The following ZNF618 variants were observed in gnomAD, a reference collection of about 807,000 sequenced individuals.
The protein encoded by ZNF618 is zinc finger protein 618.
A neutral mutation model predicts 103.0 loss-of-function variants in ZNF618; 34 were observed. The observed-to-expected ratio is 0.33, with a 90% CI of 0.25 to 0.44. The LOEUF (loss-of-function observed/expected upper bound fraction) is 0.44, where lower values mean the gene tolerates loss of function less well. ZNF618 is among the 20% of genes least tolerant of loss of function. The pLI is 1.00. For synonymous variants in ZNF618, 551 were observed against 542.2 expected, an observed-to-expected ratio of 1.02 and a Z score of -0.23; for missense variants, 1,059 against 1,295.4, an observed-to-expected ratio of 0.82 and a Z score of 2.80.
At chr9:114,007,517 G>GCCTCCCT in intron 7 of ZNF618, 78 bp downstream of exon 7, 1 of 1,379,236 alleles carries the variant, frequency 7.3e-7, no homozygotes, top group African/African-American at 1.4e-5. Context: ...AGCCCTCCCC[G>GCCTCCCT]CCTCCCTCCT....
intron 1 of ZNF618, among the ~76,000 whole-genome samples, chr9:113,946,314 G>A (rs1835023663): frequency 6.6e-6 from 1 of 151,262 alleles, no homozygotes; most frequent in African/African-American, 2.4e-5. Context: ...GCGGTGGCTT[G>A]CCTAGCCCAA....
chr9:113,923,411 T>C (rs1210523769), intron 1 of ZNF618, among the ~76,000 whole-genome samples: 1 of 152,190 alleles, frequency 6.6e-6, no homozygotes, highest in Non-Finnish European at 1.5e-5. Context: ...CCGTTAAATA[T>C]GATGTTAGCT....
intron 1 of ZNF618, among the ~76,000 whole-genome samples, chr9:113,919,017 C>T (rs1832385400): frequency 6.6e-6 from 1 of 152,218 alleles, no homozygotes; most frequent in African/African-American, 2.4e-5. Flanking sequence ...CCTAGTTAGT[C>T]TGAATTAGCA....
chr9:114,036,419 T>C (rs1468699853), intron 13 of ZNF618, 42 bp downstream of exon 13: 2 of 1,545,892 alleles, frequency 1.3e-6, no homozygotes, highest in Non-Finnish European at 1.8e-6. Flanking sequence ...CTTCCTCAGT[T>C]CCTGCAAATT....
chr9:113,955,313 A>C (rs7032101), intron 1 of ZNF618, among the ~76,000 whole-genome samples: 85,302 of 148,864 alleles, frequency 0.57, 24,679 homozygotes, highest in East Asian at 0.68. Flanking sequence ...CCCCACCCCC[A>C]CACTGCAAAG....
intron 1 of ZNF618, among the ~76,000 whole-genome samples, chr9:113,892,340 G>A (rs997381113): frequency 3.9e-5 from 6 of 152,164 alleles, no homozygotes; most frequent in African/African-American, 1.4e-4. Flanking sequence ...AATGCTGTGT[G>A]AGTTCTGTAT....
At chr9:114,028,661 C>G in intron 10 of ZNF618, 72 bp from the exon 11 acceptor site, 1 of 1,494,740 alleles carries the variant, frequency 6.7e-7, no homozygotes, top group Non-Finnish European at 8.9e-7. Flanking sequence ...GAATGTGGGG[C>G]TGGTGGCCCG....
rs113859007 is a variant in ZNF618 at position 114,000,577 on chromosome 9, G to A, written c.434-1419G>A. On this transcript the variant is annotated intron_variant, in intron 4 of 14. Transcript: ENST00000374126. ...CCAGTGTGACCCAGGAAAACCAAAA[G>A]GTTGGACCCCCCTGAGCTAAGGGAT... Among the ~76,000 whole-genome samples, 305 of 135,496 alleles carry A rather than the reference G, an allele frequency of 2.3e-3. 1 individual carries two copies. The highest frequency in any genetic ancestry group is 7.1e-3 in the African/African-American group (290 of 41,060). The allele number at this position is 135,496 out of a possible 152,430, so 88.9% of individuals were successfully genotyped here.
intron 1 of ZNF618, among the ~76,000 whole-genome samples, chr9:113,952,548 A>C (rs1461636710): frequency 6.6e-6 from 1 of 151,900 alleles, no homozygotes; most frequent in East Asian, 1.9e-4. Flanking sequence ...CTTTTGGGGG[A>C]GTTAGGGATG....
chr9:113,905,575 G>T (rs1830916550), intron 1 of ZNF618, among the ~76,000 whole-genome samples: 1 of 152,228 alleles, frequency 6.6e-6, no homozygotes, highest in African/African-American at 2.4e-5. Flanking sequence ...CTGTAGACCA[G>T]GAGTCTACAG....
At position 113,876,326 on chromosome 9, in the gene ZNF618, A is replaced by T; in HGVS notation, c.-55A>T. On this transcript the variant is annotated 5_prime_UTR_variant, in exon 1 of 15. Transcript: ENST00000374126. ...GCGGCGGCATTGTGCGCGCACCAGC[A>T]GCCCGGCCCGGGAGGAGCAGGACGC... 1 of 1,135,096 alleles carries T rather than the reference A, an allele frequency of 8.8e-7. No homozygotes were observed. The highest frequency in any genetic ancestry group is 1.1e-6 in the Non-Finnish European group (1 of 930,974). 70.3% of individuals were successfully genotyped at this position (1,135,096 alleles called of 1,614,324 possible).
chr9:114,018,671 T>C (rs1842832447), intron 10 of ZNF618, among the ~76,000 whole-genome samples: 1 of 152,200 alleles, frequency 6.6e-6, no homozygotes, highest in Non-Finnish European at 1.5e-5. Flanking sequence ...CCCTAAGTTT[T>C]TCCCTGACAG....
chr9:113,997,577 G>A (rs1840742420), intron 3 of ZNF618, among the ~76,000 whole-genome samples: 1 of 152,232 alleles, frequency 6.6e-6, no homozygotes, highest in Non-Finnish European at 1.5e-5. Context: ...CTGAGCTGGT[G>A]TGAGAAACCC....
chr9:113,945,827 A>G (rs1834974177), intron 1 of ZNF618, among the ~76,000 whole-genome samples: 1 of 152,226 alleles, frequency 6.6e-6, no homozygotes, highest in Non-Finnish European at 1.5e-5. Flanking sequence ...AAATGGCACT[A>G]GTTTAAAAAT....
In ZNF618 at chr9:114,026,434, G is replaced by A. The variant is rs544612217; in HGVS notation, c.845-2299G>A. ...TGCCAGGATCTTTACAGCAGGAATT[G>A]TAGACTCTGTAACGGGCTGATCCAA... On this transcript the variant is annotated intron_variant, in intron 10 of 14. Transcript: ENST00000374126. Among the ~76,000 whole-genome samples, 31 of 152,308 alleles carry A rather than the reference G, an allele frequency of 2.0e-4. No homozygotes were observed. The South Asian group carries it at 6.4e-3, about 32-fold the overall frequency.
rs73658317 is a variant in ZNF618, at chr9:114,032,638, C to G, written c.1085-7C>G. The G allele has an allele frequency of 8.3e-4, 1,337 of 1,613,744 alleles. 4 individuals carry two copies. Among genetic ancestry groups the G allele is most frequent in the African/African-American group, 7.1e-3 (536 of 75,038 alleles). On this transcript the variant is annotated splice_region_variant and splice_polypyrimidine_tract_variant and intron_variant, in intron 11 of 14. Coordinates refer to ENST00000374126, the MANE Select transcript of ZNF618 (RefSeq NM_001318042.2). ...TGTTTTCTTTCTCTCTCCTGTCCCCCACCCAGCAGAAAGCGCTTTCAGTCG... is the reference window on the plus strand; with the variant it reads ...TGTTTTCTTTCTCTCTCCTGTCCCCGACCCAGCAGAAAGCGCTTTCAGTCG...
At chr9:113,967,806 C>G (rs536047448) in intron 1 of ZNF618, among the ~76,000 whole-genome samples, 12 of 152,180 alleles carry the variant, frequency 7.9e-5, no homozygotes, top group African/African-American at 2.9e-4. Flanking sequence ...GATTATAAGG[C>G]AAGAGTGGAG....
At chr9:113,876,651 C>T (rs953352190) in intron 1 of ZNF618, among the ~76,000 whole-genome samples, 1 of 152,028 alleles carries the variant, frequency 6.6e-6, no homozygotes, top group Non-Finnish European at 1.5e-5. Context: ...CCAGCGCCCC[C>T]TCCGGCCCCG....
chr9:114,008,549 G>C lies in ZNF618; in HGVS notation c.749G>C (p.Gly250Ala). 7 of 1,613,942 alleles carry C rather than the reference G, an allele frequency of 4.3e-6. No individual in the cohort carries two copies. Among genetic ancestry groups the C allele is most frequent in the Non-Finnish European group, 5.9e-6 (7 of 1,179,874 alleles). The change falls in exon 9 of 15, where the codon GGG (glycine) becomes GCG (alanine). Residue 250 changes from glycine to alanine, a missense_variant. Coordinates refer to ENST00000374126, the MANE Select transcript of ZNF618 (RefSeq NM_001318042.2). ...CCCCCGGAGCCATTCCAGAAAATCG[G>C]GCCAAGTATGCGGGATTCCCTCTGG... ...EEPPEPFQKIGPKTGNYTCEF... is the reference protein window; with the variant it reads ...EEPPEPFQKIAPKTGNYTCEF...
Sources: allele counts gnomAD v4.1 joint callset (sites outside exome capture counted in the v4.1 genomes callset), GRCh38; gene constraint gnomAD v4.1.1; transcripts MANE v1.5; gene names NCBI Gene and HGNC (gene_info 2026-07-23, HGNC 2026-07-21).